RANBP17: variants seen among roughly 807,000 people sequenced by gnomAD.
RANBP17 encodes the protein RAN binding protein 17.
RANBP17 carries 158 observed loss-of-function variants against 141.2 expected under a neutral mutation model. That is an observed-to-expected ratio of 1.12 (90% CI 0.98 to 1.28). RANBP17 has a LOEUF of 1.28. RANBP17 is among the 50% of genes most tolerant of loss of function. The probability of loss-of-function intolerance (pLI) is 0.00; values close to 1 mark genes in which losing one functional copy is unlikely to be tolerated. For missense variants in RANBP17, 1,438 were observed against 1,290.7 expected, an observed-to-expected ratio of 1.11 and a Z score of -1.75; for synonymous variants, 430 against 450.0, an observed-to-expected ratio of 0.96 and a Z score of 0.56.
At chr5:171,223,530 G>A (rs1273824063) in intron 22 of RANBP17, among the ~76,000 whole-genome samples, 1 of 152,162 alleles carries the variant, frequency 6.6e-6, no homozygotes, top group African/African-American at 2.4e-5. Flanking sequence ...AGCTACTCAG[G>A]AGGCTGAGGC....
At chr5:170,935,953 C>T (rs1037748820) in intron 12 of RANBP17, among the ~76,000 whole-genome samples, 4 of 152,230 alleles carry the variant, frequency 2.6e-5, no homozygotes, top group Admixed American at 2.6e-4. Context: ...CCAGTTCGAG[C>T]TTTCTGGCTG....
At chr5:171,297,387 G>C (rs140373016) in intron 27 of RANBP17, among the ~76,000 whole-genome samples, 1 of 152,056 alleles carries the variant, frequency 6.6e-6, no homozygotes, top group East Asian at 1.9e-4. Context: ...TGTGTTCAGG[G>C]GGCGAAAAAA....
intron 14 of RANBP17, among the ~76,000 whole-genome samples, chr5:171,132,681 C>G (rs930331873): frequency 6.6e-6 from 1 of 151,710 alleles, no homozygotes; most frequent in Non-Finnish European, 1.5e-5. Context: ...CTGATCACAC[C>G]ACTGCACTCT....
At chr5:170,968,195 C>CT in intron 13 of RANBP17, 47 bp from the exon 14 acceptor site, 1 of 1,360,524 alleles carries the variant, frequency 7.4e-7, no homozygotes, top group Non-Finnish European at 9.9e-7. Flanking sequence ...TGTTGTTTCT[C>CT]TAAGGTTTTG....
At chr5:171,104,319 G>C (rs529790115) in intron 14 of RANBP17, among the ~76,000 whole-genome samples, 1 of 152,176 alleles carries the variant, frequency 6.6e-6, no homozygotes, top group Non-Finnish European at 1.5e-5. Flanking sequence ...TTACAGGGGT[G>C]AGCCACCGCG....
intron 14 of RANBP17, among the ~76,000 whole-genome samples, chr5:171,108,967 C>A (rs1481777527): frequency 1.3e-5 from 2 of 152,060 alleles, no homozygotes; most frequent in African/African-American, 4.8e-5. Context: ...CTTGAGGAGC[C>A]CCTATCCCAA....
intron 5 of RANBP17, among the ~76,000 whole-genome samples, chr5:170,906,970 A>G (rs184712190): frequency 6.6e-6 from 1 of 152,052 alleles, no homozygotes; most frequent in Non-Finnish European, 1.5e-5. Context: ...CATTCAGCCT[A>G]ATTTTATGAC....
At chr5:171,212,544 G>A (rs1762965059) in intron 20 of RANBP17, among the ~76,000 whole-genome samples, 1 of 152,152 alleles carries the variant, frequency 6.6e-6, no homozygotes. Context: ...AGGTAGCCAA[G>A]AACCAAATCT....
intron 25 of RANBP17, among the ~76,000 whole-genome samples, chr5:171,289,787 C>T (rs757699410): frequency 4.6e-5 from 7 of 151,598 alleles, no homozygotes; most frequent in Non-Finnish European, 8.8e-5. Flanking sequence ...CCCAGCACCT[C>T]GGGAGGCCAA....
chr5:171,196,341 A>G (rs139067245), intron 18 of RANBP17, among the ~76,000 whole-genome samples: 1 of 152,174 alleles, frequency 6.6e-6, no homozygotes, highest in Non-Finnish European at 1.5e-5. Flanking sequence ...TGCTCCTGCT[A>G]TCCTTGTTTG....
intron 14 of RANBP17, among the ~76,000 whole-genome samples, chr5:171,007,640 G>A (rs13182142): frequency 0.67 from 101,887 of 151,848 alleles, 34,440 homozygotes; most frequent in South Asian, 0.89. Context: ...CCTGGACGTA[G>A]GGCATCTCAG....
In RANBP17 at chr5:171,298,807, G is replaced by C. The variant is rs148315082; in HGVS notation, c.3216G>C (p.Ala1072=). The C allele has an allele frequency of 6.2e-7, 1 of 1,614,164 alleles. No homozygotes were observed. Among genetic ancestry groups the C allele is most frequent in the East Asian group, 2.2e-5 (1 of 44,888 alleles). Residue 1072 remains alanine (A), a synonymous_variant, in exon 28 of 28, where the codon GCG becomes GCC. Coordinates refer to ENST00000523189, the MANE Select transcript of RANBP17 (RefSeq NM_022897.5). The stretch of plus-strand genomic sequence containing the variant: ...TATTCAGAAGAGATGTGGCAGAGGC[G>C]TTGCGCAGTGATGGCAACACTGAAC... ...LSVFRRDVAE[A]LRSDGNTEPC... is the part of the protein sequence containing the mutation.
intron 24 of RANBP17, among the ~76,000 whole-genome samples, chr5:171,261,985 T>A (rs563692123): frequency 2.4e-4 from 36 of 152,188 alleles, no homozygotes; most frequent in Non-Finnish European, 5.0e-4. Flanking sequence ...CAACCATAAA[T>A]CAACCATAAT....
rs187642968 is a variant in RANBP17, at chr5:171,084,230, C to A, written c.1711-85900C>A. On this transcript the variant is annotated intron_variant, in intron 14 of 27. Coordinates refer to ENST00000523189, the MANE Select transcript of RANBP17 (RefSeq NM_022897.5). ...TGCAGTGTTTGTTTTTTTGTTCTTG[C>A]GATAGTTTACTGAGAATGATGATTT... Among the ~76,000 whole-genome samples, 713 of 149,054 alleles carry A rather than the reference C, an allele frequency of 4.8e-3. 4 individuals are homozygous for A. The highest frequency in any genetic ancestry group is 0.017 in the African/African-American group (691 of 40,684).
At chr5:171,187,831 A>G (rs1394666572) in intron 18 of RANBP17, among the ~76,000 whole-genome samples, 1 of 152,232 alleles carries the variant, frequency 6.6e-6, no homozygotes, top group African/African-American at 2.4e-5. Flanking sequence ...CCAGTTATAC[A>G]TGAGAGGGTT....
intron 5 of RANBP17, chr5:170,904,280 A>T: frequency 3.8e-6 from 1 of 260,692 alleles, no homozygotes. Flanking sequence ...GAGATTCATG[A>T]GGCTCTACAA....
chr5:171,110,356 C>T (rs1755137760), intron 14 of RANBP17, among the ~76,000 whole-genome samples: 1 of 152,042 alleles, frequency 6.6e-6, no homozygotes, highest in African/African-American at 2.4e-5. Context: ...GCTGTGAGTG[C>T]TGTAACCTTG....
At position 171,181,861 on chromosome 5, in the gene RANBP17, A is replaced by T. The variant is rs188394244; in HGVS notation, c.1866-1306A>T. On this transcript the variant is annotated intron_variant, in intron 16 of 27. Transcript: ENST00000523189. The stretch of plus-strand genomic sequence containing the variant: ...TTTCCGTGATTGATAATTGGCAAAG[A>T]CATTTGCATTATCTGATCCTCAAAA... Among the ~76,000 whole-genome samples the T allele has an allele frequency of 5.1e-3, 779 of 152,372 alleles. 3 individuals are homozygous for T. The highest frequency in any genetic ancestry group is 0.01 in the Middle Eastern group (3 of 294).
chr5:171,149,663 G>T (rs1477140830), intron 14 of RANBP17, among the ~76,000 whole-genome samples: 1 of 152,150 alleles, frequency 6.6e-6, no homozygotes, highest in Non-Finnish European at 1.5e-5. Context: ...TGCAGACATG[G>T]TTTACACTTT....
Sources: gnomAD v4.1 joint callset for allele counts (sites outside exome capture counted in the v4.1 genomes callset) on GRCh38, gnomAD v4.1.1 for gene constraint, MANE v1.5 for transcripts, NCBI Gene and HGNC (gene_info 2026-07-23, HGNC 2026-07-21) for gene names.